APBA2: variants seen among roughly 807,000 people sequenced by gnomAD.
The protein encoded by APBA2 is amyloid-beta A4 precursor protein-binding family A member 2.
Under a neutral mutation model 75.0 loss-of-function variants are expected in APBA2, and 30 were observed. The ratio of observed to expected loss-of-function variants is 0.40; its 90% confidence interval spans 0.30 to 0.54. The LOEUF (loss-of-function observed/expected upper bound fraction) is 0.54. Ranked by LOEUF, APBA2 falls within the 20% of genes least tolerant of loss-of-function variation. APBA2 has a pLI of 0.49. For synonymous variants in APBA2, 444 were observed against 409.6 expected, an observed-to-expected ratio of 1.08 and a Z score of -1.01; for missense variants, 801 against 1,016.1, an observed-to-expected ratio of 0.79 and a Z score of 2.88.
chr15:29,113,034 C>T (rs2044823256), intron 13 of APBA2, among the ~76,000 whole-genome samples: 1 of 152,294 alleles, frequency 6.6e-6, no homozygotes, highest in Non-Finnish European at 1.5e-5. Context: ...TCAGACTCTC[C>T]CTCCTCTCCA....
At chr15:29,027,316 C>A (rs768796224) in intron 3 of APBA2, among the ~76,000 whole-genome samples, 32 of 152,090 alleles carry the variant, frequency 2.1e-4, no homozygotes, top group African/African-American at 3.1e-4. Context: ...AAAATATCTT[C>A]TATAGCTATT....
At chr15:29,109,368 A>T (rs563172835) in intron 13 of APBA2, among the ~76,000 whole-genome samples, 1 of 152,314 alleles carries the variant, frequency 6.6e-6, no homozygotes, top group South Asian at 2.1e-4. Context: ...GCTGCTATAA[A>T]AAAGAGTCTG....
At chr15:28,909,337 C>T (rs1191137322) in intron 1 of APBA2, among the ~76,000 whole-genome samples, 5 of 152,120 alleles carry the variant, frequency 3.3e-5, no homozygotes, top group African/African-American at 9.7e-5. Context: ...TTCCAGGTGC[C>T]GCATGTGAGT....
intron 4 of APBA2, among the ~76,000 whole-genome samples, chr15:29,067,263 CTA>C (rs1411288470): frequency 6.6e-6 from 1 of 152,166 alleles, no homozygotes; most frequent in Non-Finnish European, 1.5e-5. Context: ...AATATCCAAA[CTA>C]TATCACCCAC....
chr15:28,985,761 ACT>A (rs767977056), intron 2 of APBA2, among the ~76,000 whole-genome samples: 65 of 152,100 alleles, frequency 4.3e-4, no homozygotes, highest in Non-Finnish European at 8.2e-4. Context: ...GATCCGGTTG[ACT>A]CTGTCTGACC....
At chr15:28,966,973 G>A (rs765856946) in intron 2 of APBA2, among the ~76,000 whole-genome samples, 11 of 152,062 alleles carry the variant, frequency 7.2e-5, no homozygotes, top group South Asian at 2.1e-4. Context: ...GTACCTTATC[G>A]TATGACATAA....
chr15:29,013,826 C>A (rs1339655493), intron 3 of APBA2, among the ~76,000 whole-genome samples: 1 of 152,134 alleles, frequency 6.6e-6, no homozygotes, highest in Non-Finnish European at 1.5e-5. Context: ...AGAAATTAAG[C>A]CTCCCTATAT....
chr15:29,093,668 G>A (rs1249002236), intron 7 of APBA2, among the ~76,000 whole-genome samples: 3 of 152,114 alleles, frequency 2.0e-5, no homozygotes, highest in Non-Finnish European at 2.9e-5. Flanking sequence ...TTTGAACATC[G>A]GGTGAGGCCG....
Position 29,098,650 on chromosome 15 carries a change from C to G in APBA2, c.1338+74C>G, listed in dbSNP as rs945642928. On this transcript the variant is annotated intron_variant, in intron 9 of 14. Coordinates refer to ENST00000683413, the MANE Select transcript of APBA2 (RefSeq NM_001353788.2). ...ACTCCTTCTTGTCCCATGGTATAGG[C>G]CCTCGTTCTCAGCAGCTTCTCTCCT... 4.9e-6 allele frequency: 6 copies of G among 1,230,178 alleles called. No homozygotes were observed. In the African/African-American group the frequency reaches 8.9e-5, roughly 18 times the overall value. 76.2% of individuals were successfully genotyped at this position (1,230,178 alleles called of 1,614,324 possible). A position where few individuals can be genotyped will look rare whatever the true frequency, so the allele number is the denominator to read the frequency against.
At chr15:28,973,914 T>G (rs1192746543) in intron 2 of APBA2, among the ~76,000 whole-genome samples, 2 of 152,072 alleles carry the variant, frequency 1.3e-5, no homozygotes, top group Non-Finnish European at 2.9e-5. Context: ...AAAACAACTT[T>G]TAAAGAAGCA....
chr15:29,089,013 A>G (rs1294794118), intron 6 of APBA2, among the ~76,000 whole-genome samples: 1 of 152,018 alleles, frequency 6.6e-6, no homozygotes, highest in African/African-American at 2.4e-5. Context: ...CTCAGCTTAA[A>G]CAGCAGCCAC....
intron 3 of APBA2, among the ~76,000 whole-genome samples, chr15:29,031,174 C>G (rs553199965): frequency 6.6e-6 from 1 of 152,090 alleles, no homozygotes; most frequent in Non-Finnish European, 1.5e-5. Flanking sequence ...AGAGACTAAG[C>G]AACTCATGGC....
chr15:29,114,860 AGT>A (rs1203257623), intron 14 of APBA2, among the ~76,000 whole-genome samples: 1 of 139,902 alleles, frequency 7.1e-6, no homozygotes, highest in African/African-American at 2.6e-5. Flanking sequence ...TAGGAGTGCG[AGT>A]GTGGGTGTGT....
At chr15:28,977,053 C>T (rs1035628877) in intron 2 of APBA2, 4 of 152,222 alleles carry the variant, frequency 2.6e-5, no homozygotes, top group Non-Finnish European at 1.5e-5. Context: ...CTTCCTTCAA[C>T]ACTACCATTT....
chr15:28,897,522 G>T (rs2032571931), intron 1 of APBA2, among the ~76,000 whole-genome samples: 2 of 151,246 alleles, frequency 1.3e-5, no homozygotes. Flanking sequence ...GGAGGTTGAG[G>T]TGGGAGAATC....
chr15:28,917,692 G>T (rs185560425), intron 1 of APBA2, among the ~76,000 whole-genome samples: 69 of 152,204 alleles, frequency 4.5e-4, no homozygotes, highest in African/African-American at 1.5e-3. Context: ...AAAACATATT[G>T]GGGTTCACTC....
At chr15:29,000,238 C>T (rs905959980) in intron 3 of APBA2, among the ~76,000 whole-genome samples, 5 of 152,184 alleles carry the variant, frequency 3.3e-5, no homozygotes, top group African/African-American at 4.8e-5. Flanking sequence ...CCAGCGTTTT[C>T]TAAAAATATG....
At chr15:28,908,813 G>A (rs950397222) in intron 1 of APBA2, among the ~76,000 whole-genome samples, 1 of 152,114 alleles carries the variant, frequency 6.6e-6, no homozygotes, top group African/African-American at 2.4e-5. Context: ...TTTACCACCT[G>A]AAATACTTTT....
intron 3 of APBA2, among the ~76,000 whole-genome samples, chr15:29,036,503 G>A (rs914965243): frequency 3.9e-5 from 6 of 152,092 alleles, no homozygotes; most frequent in Non-Finnish European, 7.3e-5. Flanking sequence ...AAACCTGGTC[G>A]GGTGGTGGGT....
Sources: gnomAD v4.1 joint callset for allele counts (sites outside exome capture counted in the v4.1 genomes callset) on GRCh38, gnomAD v4.1.1 for gene constraint, MANE v1.5 for transcripts, NCBI Gene and HGNC (gene_info 2026-07-23, HGNC 2026-07-21) for gene names.